ZNF394: variants seen among roughly 807,000 people sequenced by gnomAD.
The protein encoded by ZNF394 is zinc finger protein 394.
ZNF394 carries 19 observed loss-of-function variants against 21.8 expected under a neutral mutation model. The observed-to-expected ratio is 0.87, with a 90% CI of 0.61 to 1.28. The LOEUF is 1.28. Ranked by LOEUF, ZNF394 falls within the 50% of genes most tolerant of loss-of-function variation. ZNF394 has a pLI of 0.00. For missense variants in ZNF394, 683 were observed against 708.6 expected, an observed-to-expected ratio of 0.96 and a Z score of 0.41; for synonymous variants, 294 against 273.3, an observed-to-expected ratio of 1.08 and a Z score of -0.75.
At chr7:99,491,762 A>AAAGC (rs1330047917), downstream of ZNF394, among the ~76,000 whole-genome samples, 3 of 93,708 alleles carry the variant, frequency 3.2e-5, no homozygotes, top group East Asian at 9.2e-4. Context: ...GGCGACAGAG[A>AAAGC]ATCTGTCTCA....
At chr7:99,496,809 C>T (rs1800326855) in intron 2 of ZNF394, among the ~76,000 whole-genome samples, 1 of 151,262 alleles carries the variant, frequency 6.6e-6, no homozygotes, top group Non-Finnish European at 1.5e-5. Flanking sequence ...TGACCTCAAA[C>T]AATCCTCCCA....
In ZNF394 at chr7:99,500,102, G is replaced by C. The variant is rs1342580606; in HGVS notation, c.-9C>G. ...GTCAAGCTGGAATTCATCTTTCTCC[G>C]GCATGTGCTGCCCTTCCTGGAGTCT... is the stretch of plus-strand genomic sequence containing the variant. On this transcript the variant is annotated 5_prime_UTR_variant, in exon 1 of 3. Coordinates refer to ENST00000337673, the MANE Select transcript of ZNF394 (RefSeq NM_032164.4). 3.3e-6 allele frequency: 5 copies of C among 1,534,966 alleles called. No individual in the cohort carries two copies. Among genetic ancestry groups the C allele is most frequent in the Admixed American group, 2.0e-5 (1 of 50,384 alleles).
At chr7:99,487,355 G>A in intron 1 of ZNF394, 1 of 1,614,220 alleles carries the variant, frequency 6.2e-7, no homozygotes, top group Middle Eastern at 1.6e-4. Flanking sequence ...AGTTTTAAGA[G>A]GAATCTTTTT....
In ZNF394 at chr7:99,493,754, G is replaced by A. The variant is rs769320625; in HGVS notation, c.1461C>T (p.His487=). 5.6e-6 allele frequency: 9 copies of A among 1,614,166 alleles called. No individual in the cohort carries two copies. In the South Asian group the frequency reaches 9.9e-5, roughly 18 times the overall value. Reference sequence around the variant, plus strand: ...GCTTCTCCCCAGTGTGGATTCTGTGGTGTTTAAAGAGGTCAGAGCGCTGTT... The same window carrying A: ...GCTTCTCCCCAGTGTGGATTCTGTGATGTTTAAAGAGGTCAGAGCGCTGTT... ...SFKQRSDLFK[H]HRIHTGEKPY... is the part of the protein sequence containing the mutation. Residue 487 remains histidine (H), a synonymous_variant, in exon 3 of 3, where the codon CAC becomes CAT. Coordinates refer to ENST00000337673, the MANE Select transcript of ZNF394 (RefSeq NM_032164.4).
At chr7:99,492,776 C>G (rs1413668125), downstream of ZNF394, among the ~76,000 whole-genome samples, 6 of 146,170 alleles carry the variant, frequency 4.1e-5, no homozygotes, top group Non-Finnish European at 9.0e-5. Flanking sequence ...GGCAACATAG[C>G]AAGACCCTAT....
In ZNF394 at chr7:99,500,206, C is replaced by T; in HGVS notation, c.-113G>A. ...CTCCGGTCCCAAACACCGGGCCCCA[C>T]CACACCAGGCCCCTCTCCACACTCT... On this transcript the variant is annotated 5_prime_UTR_variant, in exon 1 of 3. The change creates a new upstream start codon in the 5' untranslated region. Transcript: ENST00000337673. The T allele has an allele frequency of 5.0e-6, 5 of 995,660 alleles. No individual in the cohort carries two copies. Among genetic ancestry groups the T allele is most frequent in the Non-Finnish European group, 7.1e-6 (5 of 699,368 alleles). The allele number at this position is 995,660 out of a possible 1,614,324, so 61.7% of individuals were successfully genotyped here.
downstream of ZNF394, among the ~76,000 whole-genome samples, chr7:99,491,502 G>T (rs1311686787): frequency 2.0e-5 from 3 of 152,120 alleles, no homozygotes; most frequent in African/African-American, 7.2e-5. Context: ...CAGCTTGGGG[G>T]CTAACTGGAA....
At position 99,499,991 on chromosome 7, in the gene ZNF394, C is replaced by G. The variant is rs747520068; in HGVS notation, c.103G>C (p.Gly35Arg). The change falls in exon 1 of 3, where the codon GGA (glycine) becomes CGA (arginine). Residue 35 changes from glycine to arginine, a missense_variant. Coordinates refer to ENST00000337673, the MANE Select transcript of ZNF394 (RefSeq NM_032164.4). ...SKDAAPSQRD[G>R]LLPVKVEEDS... Reference sequence around the variant, plus strand: ...TCCTCCACTTTCACGGGCAAAAGTCCGTCGCGTTGGGACGGCGCCGCGTCC... The same window carrying G: ...TCCTCCACTTTCACGGGCAAAAGTCGGTCGCGTTGGGACGGCGCCGCGTCC... 11 of 1,612,400 alleles carry G rather than the reference C, an allele frequency of 6.8e-6. No homozygotes were observed. Among genetic ancestry groups the G allele is most frequent in the Non-Finnish European group, 9.3e-6 (11 of 1,179,922 alleles).
At position 99,493,370 on chromosome 7, in the gene ZNF394, C is replaced by T; in HGVS notation, c.*159G>A. On this transcript the variant is annotated 3_prime_UTR_variant, in exon 3 of 3. Transcript: ENST00000337673. ...CTCCTGGGTTCAAGTGATTCTCCTA[C>T]CTCAGCCTCCCGAATAGCTGGGCTT... is the stretch of plus-strand genomic sequence containing the variant. 7 of 1,009,390 alleles carry T rather than the reference C, an allele frequency of 6.9e-6. No homozygotes were observed. In the South Asian group the frequency reaches 1.1e-4, roughly 16 times the overall value. 62.5% of individuals were successfully genotyped at this position (1,009,390 alleles called of 1,614,324 possible).
intron 2 of ZNF394, 105 bp downstream of exon 2, chr7:99,498,611 G>T: frequency 1.3e-6 from 2 of 1,527,460 alleles, no homozygotes; most frequent in Non-Finnish European, 1.8e-6. Context: ...GCACCTGAAG[G>T]CTCTCAGCCC....
intron 2 of ZNF394, chr7:99,498,105 T>C (rs1016914171): frequency 1.3e-5 from 2 of 152,270 alleles, no homozygotes; most frequent in African/African-American, 4.8e-5. Flanking sequence ...TTCGGTGCAA[T>C]GCTGTAATGG....
rs1348270183 is a variant in ZNF394, at chr7:99,499,850, G to A, written c.244C>T (p.Leu82=). 6.2e-7 allele frequency: 1 copy of A among 1,614,206 alleles called. No individual in the cohort carries two copies. The highest frequency in any genetic ancestry group is 8.5e-7 in the Non-Finnish European group (1 of 1,180,038). ...CGACAGAGTTCTCGGAGCCGGCTCA[G>A]CGCCTCTTCCGGTCCAGCCACCTCC... ...YQEVAGPEEA[L]SRLRELCRRW... is the part of the protein sequence containing the mutation. Residue 82 remains leucine, a synonymous_variant, in exon 1 of 3, where the codon CTG becomes TTG. Transcript: ENST00000337673.
intron 2 of ZNF394, among the ~76,000 whole-genome samples, chr7:99,495,164 T>C (rs1466232466): frequency 6.6e-6 from 1 of 151,278 alleles, no homozygotes; most frequent in African/African-American, 2.4e-5. Flanking sequence ...TAGCAGGGAT[T>C]ACAGGTGCTA....
chr7:99,494,633 T>C lies in ZNF394; in HGVS notation c.584-2A>G, dbSNP rs1402509879. The C allele has an allele frequency of 1.9e-6, 3 of 1,566,470 alleles. No individual in the cohort carries two copies. The East Asian group carries it at 6.7e-5, about 35-fold the overall frequency. On this transcript the variant is annotated splice_acceptor_variant, in intron 2 of 2. Coordinates refer to ENST00000337673, the MANE Select transcript of ZNF394 (RefSeq NM_032164.4). LOFTEE classifies it high-confidence loss of function. ...TGTTCTCCACTCTGCTTTCCAAACC[T>C]GAAACGTGAAAATACAAATTCCTGC...
At chr7:99,495,095 G>C (rs951320899) in intron 2 of ZNF394, among the ~76,000 whole-genome samples, 1 of 142,638 alleles carries the variant, frequency 7.0e-6, no homozygotes, top group Non-Finnish European at 1.5e-5. Context: ...GCATGATCTC[G>C]GCTCACTGCA....
chr7:99,496,565 A>G (rs2151082971), intron 2 of ZNF394, among the ~76,000 whole-genome samples: 1 of 151,908 alleles, frequency 6.6e-6, no homozygotes, highest in African/African-American at 2.4e-5. Flanking sequence ...CACATCAGGC[A>G]TCAGAGGTCC....
rs1233629544 is a variant in ZNF394, at chr7:99,493,545, C to G, written c.1670G>C (p.Gly557Ala). 6.2e-7 allele frequency: 1 copy of G among 1,605,988 alleles called. No homozygotes were observed. The highest frequency in any genetic ancestry group is 1.3e-5 in the African/African-American group (1 of 74,774). Residue 557 changes from glycine (G) to alanine (A), a missense_variant, in exon 3 of 3, where the codon GGT becomes GCT. Gly to Ala is a moderately conservative substitution (Grantham distance 60). Coordinates refer to ENST00000337673, the MANE Select transcript of ZNF394 (RefSeq NM_032164.4). ...GTGCTGGGATTATAGGCGTGAGCCA[C>G]CACGCCCAGCCGACAGCACTTTATT... Reference protein sequence around the residue: ...HQNKVLSAGRGGSRL With the variant: ...HQNKVLSAGRAGSRL
At chr7:99,490,337 T>G (rs1251695779), downstream of ZNF394, among the ~76,000 whole-genome samples, 2 of 151,886 alleles carry the variant, frequency 1.3e-5, no homozygotes, top group Admixed American at 1.3e-4. Context: ...GTATTTTCAG[T>G]AGAGATGGGG....
rs1403329906 is a variant in ZNF394 at position 99,494,454 on chromosome 7, T to G, written c.761A>C (p.Lys254Thr). 1.9e-6 allele frequency: 3 copies of G among 1,614,018 alleles called. No individual in the cohort carries two copies. The African/African-American group carries it at 4.0e-5, about 22-fold the overall frequency. ...TTCTGCTTCAGGAGAATTTTCAAGT[T>G]TCAGGGGCAAGGGGTCTCCGGACTG... ...EKQSGDPLPL[K>T]LENSPEAEGL... is the part of the protein sequence containing the mutation. Residue 254 changes from lysine (K) to threonine (T), a missense_variant, in exon 3 of 3, where the codon AAA (lysine) becomes ACA (threonine). By Grantham distance (78) the Lys-to-Thr change is moderately conservative (BLOSUM62 -1). This residue lies in a region of ZNF394 where 402 missense variants were observed against 373.8 expected (regional missense o/e 1.08). Coordinates refer to ENST00000337673, the MANE Select transcript of ZNF394 (RefSeq NM_032164.4).
Sources: gnomAD v4.1 joint callset for allele counts (sites outside exome capture counted in the v4.1 genomes callset) on GRCh38, gnomAD v4.1.1 for gene constraint, gnomAD v4.1.1 regional missense constraint, MANE v1.5 for transcripts, NCBI Gene and HGNC (gene_info 2026-07-23, HGNC 2026-07-21) for gene names.